The following RTN3 variants were observed in gnomAD, a reference collection of about 807,000 sequenced individuals.
The protein encoded by RTN3 is reticulon-3.
Under a neutral mutation model 77.8 loss-of-function variants are expected in RTN3, and 49 were observed. The observed-to-expected ratio is 0.63, with a 90% confidence interval of 0.50 to 0.80. RTN3 has a LOEUF of 0.80. Among genes scored for constraint, RTN3 ranks in the 30% least tolerant of loss-of-function variants. RTN3 has a pLI of 0.00. For synonymous variants in RTN3, 464 were observed against 446.9 expected, an observed-to-expected ratio of 1.04 and a Z score of -0.48; for missense variants, 1,236 against 1,211.9, an observed-to-expected ratio of 1.02 and a Z score of -0.29.
intron 3 of RTN3, among the ~76,000 whole-genome samples, chr11:63,747,307 G>A (rs184042575): frequency 6.6e-6 from 1 of 152,296 alleles, no homozygotes; most frequent in Admixed American, 6.5e-5. Flanking sequence ...ATTCTAACAT[G>A]TATATGCTTG....
rs1268366587 is a variant in RTN3, at chr11:63,707,592, A to G, written c.199+2685A>G. 2.0e-5 allele frequency among the ~76,000 whole-genome samples: 3 copies of G among 152,128 alleles called. No individual in the cohort carries two copies. The East Asian group carries it at 5.8e-4, about 30-fold the overall frequency. The stretch of plus-strand genomic sequence containing the variant: ...CTCACACCTGTAATCCTAGCACTTT[A>G]GGAGGCTGAGGCAGGCGGATCACCT... On this transcript the variant is annotated intron_variant, in intron 2 of 8. Coordinates refer to ENST00000377819, the MANE Select transcript of RTN3 (RefSeq NM_001265589.2).
At chr11:63,686,470 CAAAAAAAAAAAA>C (rs11364347) in intron 1 of RTN3, among the ~76,000 whole-genome samples, 1 of 92,568 alleles carries the variant, frequency 1.1e-5, no homozygotes, top group Non-Finnish European at 2.2e-5. Context: ...GACTCCGTCT[CAAAAAAAAAAAA>C]AAAAAAAAGA....
chr11:63,681,964 G>A (rs1396119278), intron 1 of RTN3, among the ~76,000 whole-genome samples, 186 bp downstream of exon 1: 2 of 152,290 alleles, frequency 1.3e-5, no homozygotes, highest in Non-Finnish European at 2.9e-5. Context: ...TGCAGGCGGT[G>A]AGGAAATAGC....
At chr11:63,684,855 G>A (rs1356756628) in intron 1 of RTN3, among the ~76,000 whole-genome samples, 2 of 152,066 alleles carry the variant, frequency 1.3e-5, no homozygotes, top group Non-Finnish European at 2.9e-5. Context: ...TGTCTCCTGG[G>A]CTCAAACCAT....
intron 3 of RTN3, among the ~76,000 whole-genome samples, chr11:63,725,903 T>A (rs1435761469): frequency 6.6e-6 from 1 of 152,200 alleles, no homozygotes; most frequent in Non-Finnish European, 1.5e-5. Context: ...TGTAAAAATG[T>A]TCGTAATTTA....
rs1422606516 is a variant in RTN3 at position 63,720,584 on chromosome 11, T to A, written c.2082T>A (p.His694Gln). ...CAACTCCTCCTGTAGAAGTCTTACATGAAAATGAGTCCGGTGGTTCTGAAA... is the reference window on the plus strand; with the variant it reads ...CAACTCCTCCTGTAGAAGTCTTACAAGAAAATGAGTCCGGTGGTTCTGAAA... ...FKTTPPVEVLHENESGGSEIK... is the reference protein window; with the variant it reads ...FKTTPPVEVLQENESGGSEIK... Residue 694 changes from histidine (H) to glutamine (Q), a missense_variant, in exon 3 of 9, where the codon CAT (histidine) becomes CAA (glutamine). By Grantham distance (24) the His-to-Gln change is conservative (BLOSUM62 0). This residue lies in a region of RTN3 where 1,056 missense variants were observed against 990.4 expected (regional missense o/e 1.07). Coordinates refer to ENST00000377819, the MANE Select transcript of RTN3 (RefSeq NM_001265589.2). The A allele has an allele frequency of 6.2e-7, 1 of 1,614,032 alleles. No homozygotes were observed. Among genetic ancestry groups the A allele is most frequent in the Non-Finnish European group, 8.5e-7 (1 of 1,180,000 alleles).
At chr11:63,754,201 G>T (rs1391618475) in intron 7 of RTN3, among the ~76,000 whole-genome samples, 1 of 152,164 alleles carries the variant, frequency 6.6e-6, no homozygotes, top group Admixed American at 6.5e-5. Flanking sequence ...GGGAGACAGA[G>T]GTTGCAGTGA....
At chr11:63,717,422 T>G (rs975115797) in intron 2 of RTN3, among the ~76,000 whole-genome samples, 1 of 143,288 alleles carries the variant, frequency 7.0e-6, no homozygotes. Flanking sequence ...TCACTCTTGT[T>G]GCCCAGGCTG....
chr11:63,712,924 C>T (rs928586987), intron 2 of RTN3, among the ~76,000 whole-genome samples: 88 of 152,146 alleles, frequency 5.8e-4, no homozygotes, highest in Non-Finnish European at 9.0e-4. Context: ...GGAGAAACTC[C>T]GTCTCTACTA....
chr11:63,726,860 TGAAAAAA>T (rs1452019510), intron 3 of RTN3, among the ~76,000 whole-genome samples: 23 of 89,452 alleles, frequency 2.6e-4, no homozygotes, highest in African/African-American at 8.2e-4. Flanking sequence ...AGACTCCGTC[TGAAAAAA>T]AAAAAAAAAA....
chr11:63,688,717 G>A (rs532122181), intron 1 of RTN3, among the ~76,000 whole-genome samples: 3 of 152,052 alleles, frequency 2.0e-5, no homozygotes, highest in East Asian at 3.8e-4. Flanking sequence ...TTAAAGATGG[G>A]CTGAAAATAA....
intron 3 of RTN3, among the ~76,000 whole-genome samples, chr11:63,738,981 TTAAA>T (rs1320837600): frequency 6.6e-6 from 1 of 152,136 alleles, no homozygotes. Context: ...GCCGGCGTCC[TTAAA>T]TAACAGGGAC....
chr11:63,719,022 G>A lies in RTN3; in HGVS notation c.520G>A (p.Gly174Ser), dbSNP rs765271680. Reference sequence around the variant, plus strand: ...TCCTGCTTTTCTCTCAAAGAAAATTGGTCAAGTGGAAGAGCAAATAGATAA... The same window carrying A: ...TCCTGCTTTTCTCTCAAAGAAAATTAGTCAAGTGGAAGAGCAAATAGATAA... Reference protein sequence around the residue: ...EHPAFLSKKIGQVEEQIDKET... With the variant: ...EHPAFLSKKISQVEEQIDKET... Residue 174 changes from glycine (G) to serine (S), a missense_variant, in exon 3 of 9, where the codon GGT becomes AGT. This residue lies in a region of RTN3 where 1,056 missense variants were observed against 990.4 expected (regional missense o/e 1.07). Coordinates refer to ENST00000377819, the MANE Select transcript of RTN3 (RefSeq NM_001265589.2). 1.9e-6 allele frequency: 3 copies of A among 1,614,130 alleles called. No individual in the cohort carries two copies. The highest frequency in any genetic ancestry group is 2.5e-6 in the Non-Finnish European group (3 of 1,180,036).
intron 1 of RTN3, among the ~76,000 whole-genome samples, chr11:63,686,423 A>G (rs1462714167): frequency 6.8e-6 from 1 of 147,992 alleles, no homozygotes; most frequent in African/African-American, 2.5e-5. Flanking sequence ...GTGAGCCTAG[A>G]TTGCACCACT....
At chr11:63,747,005 G>A (rs1159919142) in intron 3 of RTN3, 3 of 455,912 alleles carry the variant, frequency 6.6e-6, no homozygotes, top group South Asian at 4.6e-5. Flanking sequence ...CCTTTAATCT[G>A]AGAATTAAGA....
chr11:63,746,209 C>G (rs1433016326), intron 3 of RTN3, among the ~76,000 whole-genome samples: 1 of 152,154 alleles, frequency 6.6e-6, no homozygotes, highest in Non-Finnish European at 1.5e-5. Context: ...GGGTCCTAGC[C>G]TCATTCTCTA....
chr11:63,719,901 A>G lies in RTN3; in HGVS notation c.1399A>G (p.Thr467Ala), dbSNP rs1166891276. 8 of 1,614,170 alleles carry G rather than the reference A, an allele frequency of 5.0e-6. No individual in the cohort carries two copies. The highest frequency in any genetic ancestry group is 1.7e-5 in the Admixed American group (1 of 60,024). ...TGACTCTTTGGGTTCTGGAGTGGCC[A>G]CAGTGAAAGTGGTTTTACCTGATGA... ...KCDSLGSGVA[T>A]VKVVLPDDHL... The change falls in exon 3 of 9, where the codon ACA (threonine) becomes GCA (alanine). Residue 467 changes from threonine (T) to alanine (A), a missense_variant. Physicochemically the swap from Thr to Ala is moderately conservative, Grantham distance 58. Coordinates refer to ENST00000377819, the MANE Select transcript of RTN3 (RefSeq NM_001265589.2).
intron 2 of RTN3, among the ~76,000 whole-genome samples, chr11:63,709,334 T>C (rs1262225236): frequency 6.6e-6 from 1 of 152,186 alleles, no homozygotes; most frequent in Non-Finnish European, 1.5e-5. Flanking sequence ...GAAATTTTGT[T>C]TTACTTTTCA....
At chr11:63,729,482 C>T (rs2012536788) in intron 3 of RTN3, among the ~76,000 whole-genome samples, 1 of 115,808 alleles carries the variant, frequency 8.6e-6, no homozygotes, top group Non-Finnish European at 1.6e-5. Flanking sequence ...CAGGATCTGG[C>T]TCTGTGGCTC....
Sources: gnomAD v4.1 joint callset for allele counts (sites outside exome capture counted in the v4.1 genomes callset) on GRCh38, gnomAD v4.1.1 for gene constraint, gnomAD v4.1.1 regional missense constraint, MANE v1.5 for transcripts, NCBI Gene and HGNC (gene_info 2026-07-23, HGNC 2026-07-21) for gene names.